The following BDP1 variants were observed in gnomAD, a reference collection of about 807,000 sequenced individuals.
BDP1 encodes BDP1 general transcription factor IIIB subunit.
In BDP1, 169 loss-of-function variants were observed where a neutral mutation model predicts 266.6. The observed-to-expected ratio is 0.63, with a 90% CI of 0.56 to 0.72. The LOEUF is 0.72. BDP1 is among the 30% of genes least tolerant of loss of function. BDP1 has a pLI of 0.00. For missense variants in BDP1, 3,015 were observed against 3,053.8 expected, an observed-to-expected ratio of 0.99 and a Z score of 0.30; for synonymous variants, 1,090 against 1,022.4, an observed-to-expected ratio of 1.07 and a Z score of -1.26.
rs566545015 is a variant in BDP1, at chr5:71,492,146, C to T, written c.1640+1015C>T. 9.6e-4 allele frequency among the ~76,000 whole-genome samples: 146 copies of T among 152,300 alleles called. 2 individuals carry two copies. Among genetic ancestry groups the T allele is most frequent in the African/African-American group, 2.9e-3 (121 of 41,578 alleles). On this transcript the variant is annotated intron_variant, in intron 11 of 38. Coordinates refer to ENST00000358731, the MANE Select transcript of BDP1 (RefSeq NM_018429.3). ...AATAATATTCTAGTACATGTATAGA[C>T]CACATTTTCTTTATGGACATTTAGG...
chr5:71,527,821 T>C (rs1765982502), intron 25 of BDP1, among the ~76,000 whole-genome samples: 3 of 132,470 alleles, frequency 2.3e-5, no homozygotes, highest in South Asian at 5.2e-4. Context: ...CTTTTAATTC[T>C]TTTTTTTTTT....
chr5:71,542,246 A>C lies in BDP1; in HGVS notation c.6393A>C (p.Ala2131=). 1 of 1,610,060 alleles carries C rather than the reference A, an allele frequency of 6.2e-7. No homozygotes were observed. The highest frequency in any genetic ancestry group is 8.5e-7 in the Non-Finnish European group (1 of 1,179,114). The change falls in exon 30 of 39, where the codon GCA becomes GCC. Residue 2131 remains alanine (A), a synonymous_variant. Transcript: ENST00000358731. ...CCAGTTTGTGTGTAACCAAAGGGGC[A>C]GAAATGGAAACTCAAAGAGGTAAAT... is the stretch of plus-strand genomic sequence containing the variant. ...EVSSLCVTKG[A]EMETQRETEK...
At position 71,515,040 on chromosome 5, in the gene BDP1, C is replaced by T; in HGVS notation, c.4567C>T (p.Leu1523Phe). Residue 1523 changes from leucine to phenylalanine, a missense_variant, in exon 20 of 39, where the codon CTT becomes TTT. Transcript: ENST00000358731. ...GCCATGTACACAGACTGAAAGGAAC[C>T]TTTCACCTTCAAATTCTTGTGAACC... Reference protein sequence around the residue: ...ILPCTQTERNLSPSNSCEPKE... With the variant: ...ILPCTQTERNFSPSNSCEPKE... 1.9e-6 allele frequency: 3 copies of T among 1,612,986 alleles called. No homozygotes were observed. Among genetic ancestry groups the T allele is most frequent in the Non-Finnish European group, 2.5e-6 (3 of 1,179,550 alleles).
chr5:71,496,018 G>A (rs1374294433), intron 12 of BDP1, among the ~76,000 whole-genome samples: 4 of 151,964 alleles, frequency 2.6e-5, no homozygotes, highest in African/African-American at 4.8e-5. Flanking sequence ...CGAGGCGGGC[G>A]GATCAGGAGG....
intron 32 of BDP1, among the ~76,000 whole-genome samples, chr5:71,548,320 G>A (rs745716473): frequency 1.8e-4 from 28 of 152,092 alleles, no homozygotes; most frequent in Non-Finnish European, 2.9e-4. Context: ...AAACAGGAGG[G>A]AACCATACTG....
intron 8 of BDP1, among the ~76,000 whole-genome samples, chr5:71,486,158 T>C (rs923515028): frequency 2.0e-5 from 3 of 152,238 alleles, no homozygotes; most frequent in Non-Finnish European, 2.9e-5. Context: ...CTCATATTAT[T>C]GCATGTATCA....
intron 17 of BDP1, chr5:71,511,437 G>A (rs548593627): frequency 8.2e-5 from 25 of 306,566 alleles, no homozygotes; most frequent in African/African-American, 4.7e-4. Flanking sequence ...GGGCAACATA[G>A]AGAGACCTTG....
chr5:71,558,363 A>G (rs1743375390), intron 36 of BDP1, among the ~76,000 whole-genome samples: 1 of 151,580 alleles, frequency 6.6e-6, no homozygotes, highest in South Asian at 2.1e-4. Context: ...CTCTACTAAA[A>G]ATACAAAAAA....
At chr5:71,505,017 T>C (rs1764500624) in intron 16 of BDP1, among the ~76,000 whole-genome samples, 1 of 152,206 alleles carries the variant, frequency 6.6e-6, no homozygotes, top group Admixed American at 6.5e-5. Flanking sequence ...TATTTTATTT[T>C]ACTTTTTATT....
chr5:71,573,425 A>G, the BDP1 span, among the ~76,000 whole-genome samples: 36 of 152,268 alleles, frequency 2.4e-4, no homozygotes, highest in African/African-American at 7.9e-4. Flanking sequence ...TCCTATTTCC[A>G]TAAGACCTGA....
At chr5:71,463,180 G>A (rs1761684218) in intron 3 of BDP1, among the ~76,000 whole-genome samples, 1 of 152,184 alleles carries the variant, frequency 6.6e-6, no homozygotes, top group African/African-American at 2.4e-5. Flanking sequence ...ATCTAAAGGA[G>A]TGATCCAAGT....
chr5:71,512,475 A>G lies in BDP1; in HGVS notation c.4247+47A>G, dbSNP rs371190533. Reference sequence around the variant, plus strand: ...AAAAGATATTAAGTTATAGTTGCAGATTACGTTAAACTAAGTGAGGTTTCA... The same window carrying G: ...AAAAGATATTAAGTTATAGTTGCAGGTTACGTTAAACTAAGTGAGGTTTCA... On this transcript the variant is annotated intron_variant, in intron 18 of 38. Coordinates refer to ENST00000358731, the MANE Select transcript of BDP1 (RefSeq NM_018429.3). The G allele has an allele frequency of 5.5e-6, 7 of 1,281,292 alleles. No individual in the cohort carries two copies. The African/African-American group carries it at 1.1e-4, about 19-fold the overall frequency. The allele number at this position is 1,281,292 out of a possible 1,614,324, so 79.4% of individuals were successfully genotyped here.
intron 31 of BDP1, 129 bp downstream of exon 31, chr5:71,544,636 T>C: frequency 1.1e-6 from 1 of 935,210 alleles, no homozygotes; most frequent in Non-Finnish European, 1.6e-6. Context: ...TCCCGGCACT[T>C]TGGGAGGCCA....
At chr5:71,534,695 G>T (rs1269634577) in intron 26 of BDP1, among the ~76,000 whole-genome samples, 1 of 152,186 alleles carries the variant, frequency 6.6e-6, no homozygotes, top group African/African-American at 2.4e-5. Flanking sequence ...AGGCTGGAGT[G>T]CAATGGCGCG....
chr5:71,575,928 G>A, the BDP1 span, among the ~76,000 whole-genome samples: 4 of 152,166 alleles, frequency 2.6e-5, no homozygotes, highest in Non-Finnish European at 4.4e-5. Context: ...GTAAGCTCTT[G>A]TTAATTGGAA....
intron 30 of BDP1, among the ~76,000 whole-genome samples, chr5:71,543,480 G>T (rs965852904): frequency 3.9e-5 from 6 of 152,140 alleles, no homozygotes; most frequent in African/African-American, 1.2e-4. Flanking sequence ...CACACCTGTG[G>T]TCCCAGCTAC....
At chr5:71,475,521 G>T (rs773708202) in intron 7 of BDP1, among the ~76,000 whole-genome samples, 1 of 152,114 alleles carries the variant, frequency 6.6e-6, no homozygotes, top group Non-Finnish European at 1.5e-5. Context: ...CATAAATAAC[G>T]TATTAACTTT....
At position 71,456,064 on chromosome 5, in the gene BDP1, C is replaced by A. The variant is rs1761159854; in HGVS notation, c.187C>A (p.Pro63Thr). ...CACAGTCGATTTCGGTGGAGCGGAGCCCCAAGAAAAGGCTCCTAGGAGCAG... is the reference window on the plus strand; with the variant it reads ...CACAGTCGATTTCGGTGGAGCGGAGACCCAAGAAAAGGCTCCTAGGAGCAG... ...VPTVDFGGAEPQEKAPRSSTE... is the reference protein window; with the variant it reads ...VPTVDFGGAETQEKAPRSSTE... The change falls in exon 1 of 39, where the codon CCC becomes ACC. Residue 63 changes from proline (P) to threonine (T), a missense_variant. Coordinates refer to ENST00000358731, the MANE Select transcript of BDP1 (RefSeq NM_018429.3). 6.2e-7 allele frequency: 1 copy of A among 1,613,132 alleles called. No individual in the cohort carries two copies. Among genetic ancestry groups the A allele is most frequent in the Non-Finnish European group, 8.5e-7 (1 of 1,180,030 alleles).
At chr5:71,475,689 A>C (rs1762536950) in intron 7 of BDP1, 1 of 152,678 alleles carries the variant, frequency 6.5e-6, no homozygotes, top group African/African-American at 2.4e-5. Context: ...CTGACAATGA[A>C]ATTGTATGAA....
Sources: allele counts gnomAD v4.1 joint callset (sites outside exome capture counted in the v4.1 genomes callset), GRCh38; gene constraint gnomAD v4.1.1; transcripts MANE v1.5; gene names NCBI Gene and HGNC (gene_info 2026-07-23, HGNC 2026-07-21).